TM9SF4: variants seen among roughly 807,000 people sequenced by gnomAD.
TM9SF4 encodes the protein dinucleotide oxidase disulfide thiol exchanger 3 superfamily member 4.
In TM9SF4, 26 loss-of-function variants were observed where a neutral mutation model predicts 90.4. The observed-to-expected ratio is 0.29, with a 90% CI of 0.21 to 0.40. The LOEUF (loss-of-function observed/expected upper bound fraction) is 0.40, where lower values mean the gene tolerates loss of function less well. Among genes scored for constraint, TM9SF4 ranks in the 10% least tolerant of loss-of-function variants. The pLI is 1.00. For missense variants in TM9SF4, 549 were observed against 834.8 expected (o/e 0.66, Z 4.22); for synonymous variants, 293 against 315.4 (o/e 0.93, Z 0.75).
chr20:32,123,936 C>T (rs570609021), intron 1 of TM9SF4, among the ~76,000 whole-genome samples: 2 of 147,982 alleles, frequency 1.4e-5, no homozygotes, highest in East Asian at 2.1e-4. Context: ...AATCATAGCT[C>T]GCTGCAACCT....
intron 1 of TM9SF4, among the ~76,000 whole-genome samples, chr20:32,128,218 G>A (rs2046452190): frequency 6.6e-6 from 1 of 152,138 alleles, no homozygotes; most frequent in South Asian, 2.1e-4. Flanking sequence ...CCCATTATTG[G>A]TTGTCAAGAT....
At chr20:32,113,540 A>C (rs979594411) in intron 1 of TM9SF4, among the ~76,000 whole-genome samples, 2 of 152,182 alleles carry the variant, frequency 1.3e-5, no homozygotes, top group East Asian at 3.8e-4. Flanking sequence ...AACTTGGGAA[A>C]TGTCCATTGA....
At chr20:32,110,020 A>G in intron 1 of TM9SF4, 2 of 1,394,674 alleles carry the variant, frequency 1.4e-6, no homozygotes, top group East Asian at 2.7e-5. Context: ...TTCCCATTCT[A>G]CTTTTGGTCT....
At chr20:32,141,468 C>T (rs780877884) in intron 3 of TM9SF4, 29 bp from the exon 4 acceptor site, 1 of 1,611,728 alleles carries the variant, frequency 6.2e-7, no homozygotes, top group South Asian at 1.1e-5. Context: ...GGCTGAAGCT[C>T]TGAGCTTGAT....
intron 6 of TM9SF4, among the ~76,000 whole-genome samples, chr20:32,144,179 C>T (rs2046725190): frequency 1.3e-5 from 2 of 152,130 alleles, no homozygotes; most frequent in Non-Finnish European, 2.9e-5. Context: ...CTCCGGACCT[C>T]GTGATCTGCC....
intron 12 of TM9SF4, among the ~76,000 whole-genome samples, chr20:32,152,776 C>T (rs1380956324): frequency 6.6e-6 from 1 of 152,198 alleles, no homozygotes; most frequent in Non-Finnish European, 1.5e-5. Context: ...CATCAGTCCT[C>T]CAGAGGCTGC....
At chr20:32,135,718 A>G (rs957890223) in intron 2 of TM9SF4, among the ~76,000 whole-genome samples, 3 of 152,326 alleles carry the variant, frequency 2.0e-5, no homozygotes, top group South Asian at 2.1e-4. Flanking sequence ...GAAGATCACT[A>G]TGGTTATGAA....
At chr20:32,147,099 C>T (rs2046774379) in intron 9 of TM9SF4, among the ~76,000 whole-genome samples, 1 of 151,560 alleles carries the variant, frequency 6.6e-6, no homozygotes, top group South Asian at 2.1e-4. Context: ...CCCACCTCAA[C>T]CTCCCGAATA....
chr20:32,137,628 A>G (rs1234247799), intron 3 of TM9SF4, among the ~76,000 whole-genome samples: 1 of 152,202 alleles, frequency 6.6e-6, no homozygotes, highest in Admixed American at 6.5e-5. Context: ...TGCCTGACAC[A>G]TAGTAGGCAT....
At chr20:32,154,718 G>A (rs1299747623) in intron 12 of TM9SF4, among the ~76,000 whole-genome samples, 4 of 152,208 alleles carry the variant, frequency 2.6e-5, no homozygotes, top group Non-Finnish European at 4.4e-5. Context: ...CTCCCAAAGT[G>A]CTGGGATTGC....
At chr20:32,122,655 G>T (rs1382904348) in intron 1 of TM9SF4, among the ~76,000 whole-genome samples, 1 of 151,548 alleles carries the variant, frequency 6.6e-6, no homozygotes, top group Admixed American at 6.6e-5. Context: ...TGGGATGGCG[G>T]CCGGGCAGAG....
Position 32,145,084 on chromosome 20 carries a change from C to G in TM9SF4, c.653-7C>G. 2 of 1,613,686 alleles carry G rather than the reference C, an allele frequency of 1.2e-6. No individual in the cohort carries two copies. Among genetic ancestry groups the G allele is most frequent in the East Asian group, 2.2e-5 (1 of 44,874 alleles). On this transcript the variant is annotated splice_region_variant and splice_polypyrimidine_tract_variant and intron_variant, in intron 6 of 17. Coordinates refer to ENST00000398022, the MANE Select transcript of TM9SF4 (RefSeq NM_014742.4). Reference sequence around the variant, plus strand: ...ACAGGAACAGACTGAGTCTGTGTCTCTCTCAGACCTCAAAGCAGATGAGAA... The same window carrying G: ...ACAGGAACAGACTGAGTCTGTGTCTGTCTCAGACCTCAAAGCAGATGAGAA...
intron 17 of TM9SF4, among the ~76,000 whole-genome samples, chr20:32,163,268 A>AAAAAAAAAT (rs1555886757): frequency 4.0e-5 from 3 of 74,498 alleles, no homozygotes; most frequent in African/African-American, 1.8e-4. Context: ...AAAAAAAAAA[A>AAAAAAAAAT]ATATATATAT....
intron 2 of TM9SF4, among the ~76,000 whole-genome samples, 170 bp downstream of exon 2, chr20:32,133,296 T>C (rs1024127195): frequency 9.9e-5 from 15 of 152,208 alleles, no homozygotes; most frequent in Admixed American, 4.6e-4. Context: ...GTCCCCTCTC[T>C]GTTTCTGGTT....
intron 17 of TM9SF4, among the ~76,000 whole-genome samples, chr20:32,163,270 TA>T (rs2047051317): frequency 1.5e-5 from 1 of 68,904 alleles, no homozygotes; most frequent in African/African-American, 6.6e-5. Flanking sequence ...AAAAAAAAAA[TA>T]TATATATATA....
intron 17 of TM9SF4, among the ~76,000 whole-genome samples, chr20:32,161,871 A>G (rs2047023744): frequency 6.6e-6 from 1 of 152,196 alleles, no homozygotes; most frequent in Admixed American, 6.5e-5. Flanking sequence ...GTACTGTTCA[A>G]TCCTGCAGAG....
At chr20:32,150,541 C>T in intron 10 of TM9SF4, 81 bp from the exon 11 acceptor site, 1 of 1,559,080 alleles carries the variant, frequency 6.4e-7, no homozygotes, top group Non-Finnish European at 8.8e-7. Context: ...CAAGGTGGGC[C>T]TGGGGCTGGG....
chr20:32,156,942 CTT>C (rs71185385), intron 13 of TM9SF4, among the ~76,000 whole-genome samples: 9 of 103,446 alleles, frequency 8.7e-5, no homozygotes, highest in African/African-American at 1.9e-4. Flanking sequence ...TGGACATTTT[CTT>C]TTTTTTTTTT....
At chr20:32,161,833 C>T (rs755314542) in intron 17 of TM9SF4, among the ~76,000 whole-genome samples, 6 of 152,188 alleles carry the variant, frequency 3.9e-5, no homozygotes, top group Non-Finnish European at 5.9e-5. Flanking sequence ...GGTATCCTGT[C>T]TCTGCAGGTG....
Sources: allele counts gnomAD v4.1 joint callset (sites outside exome capture counted in the v4.1 genomes callset), GRCh38; gene constraint gnomAD v4.1.1; transcripts MANE v1.5; gene names NCBI Gene and HGNC (gene_info 2026-07-23, HGNC 2026-07-21).